Variants in UGGT1 observed in about 807,000 individuals in gnomAD.
The protein encoded by UGGT1 is UDP-glucose glycoprotein glucosyltransferase 1.
A neutral mutation model predicts 203.9 loss-of-function variants in UGGT1; 107 were observed. The ratio of observed to expected loss-of-function variants is 0.52; its 90% CI spans 0.45 to 0.62. The LOEUF (loss-of-function observed/expected upper bound fraction) is 0.62. Among genes scored for constraint, UGGT1 ranks in the 20% least tolerant of loss-of-function variants. UGGT1 has a pLI of 0.00. For missense variants in UGGT1, 1,673 were observed against 1,867.2 expected (o/e 0.90, Z 1.92); for synonymous variants, 628 against 653.5 (o/e 0.96, Z 0.59).
chr2:128,139,859 T>C (rs1689321599), intron 16 of UGGT1: 1 of 154,322 alleles, frequency 6.5e-6, no homozygotes, highest in African/African-American at 2.4e-5. Context: ...TGCTCGGGTT[T>C]TTGCTGCAGA....
At chr2:128,182,099 T>G in intron 36 of UGGT1, 31 bp from the exon 37 acceptor site, 1 of 1,607,286 alleles carries the variant, frequency 6.2e-7, no homozygotes, top group South Asian at 1.1e-5. Flanking sequence ...TCTGCATGGT[T>G]GCTTAACAAA....
chr2:128,130,797 C>CT lies in UGGT1; in HGVS notation c.1377+1622dup, dbSNP rs542499859. ...CTATCAAATATATTTTTCTTTCTTT[C>CT]TTTTGTTTTTTTAGAGATGAGTCTC... On this transcript the variant is annotated intron_variant, in intron 13 of 40. Coordinates refer to ENST00000259253, the MANE Select transcript of UGGT1 (RefSeq NM_020120.4). 8.6e-5 allele frequency among the ~76,000 whole-genome samples: 13 copies of CT among 152,020 alleles called. No homozygotes were observed. The East Asian group carries it at 2.3e-3, about 27-fold the overall frequency.
chr2:128,159,822 T>C, intron 23 of UGGT1, 102 bp downstream of exon 23: 2 of 1,235,698 alleles, frequency 1.6e-6, no homozygotes, highest in Non-Finnish European at 2.3e-6. Context: ...TTTGTCATTT[T>C]AGTCCTGAGT....
intron 33 of UGGT1, among the ~76,000 whole-genome samples, 162 bp from the exon 34 acceptor site, chr2:128,178,306 C>T (rs1459774119): frequency 6.6e-6 from 1 of 152,160 alleles, no homozygotes; most frequent in Non-Finnish European, 1.5e-5. Flanking sequence ...TTTTGTCAGT[C>T]TTGTGGTCTC....
At chr2:128,181,592 C>T (rs778828516) in intron 36 of UGGT1, among the ~76,000 whole-genome samples, 38 of 152,188 alleles carry the variant, frequency 2.5e-4, no homozygotes, top group African/African-American at 6.8e-4. Context: ...CCCGAGCGGG[C>T]GGAAACCCAA....
rs199802848 is a variant in UGGT1 at position 128,123,255 on chromosome 2, C to T, written c.1134+9C>T. On this transcript the variant is annotated intron_variant, in intron 11 of 40. Coordinates refer to ENST00000259253, the MANE Select transcript of UGGT1 (RefSeq NM_020120.4). ...TGGAAGAGAATCAGAAGGTATTCAC[C>T]GATAGAAAATACTGACCTGTTTTGT... 1.4e-5 allele frequency: 22 copies of T among 1,610,882 alleles called. No individual in the cohort carries two copies. The highest frequency in any genetic ancestry group is 1.0e-4 in the Admixed American group (6 of 59,770).
At position 128,174,809 on chromosome 2, in the gene UGGT1, A is replaced by T. The variant is rs912678810; in HGVS notation, c.3490A>T (p.Ile1164Phe). ...GCTGAAAGCCAACCCAGGAGCTTGG[A>T]TCCTCAGACTTAGGAAGGGACGCTC... is the stretch of plus-strand genomic sequence containing the variant. ...FQLKANPGAWILRLRKGRSED... is the reference protein window; with the variant it reads ...FQLKANPGAWFLRLRKGRSED... The change falls in exon 31 of 41, where the codon ATC (isoleucine) becomes TTC (phenylalanine). Residue 1164 changes from isoleucine to phenylalanine, a missense_variant. Ile to Phe is a conservative substitution (Grantham distance 21, BLOSUM62 0). Transcript: ENST00000259253. The T allele has an allele frequency of 1.9e-6, 3 of 1,613,912 alleles. No individual in the cohort carries two copies. Among genetic ancestry groups the T allele is most frequent in the Non-Finnish European group, 2.5e-6 (3 of 1,179,912 alleles).
Position 128,182,114 on chromosome 2 carries a change from T to G in UGGT1, c.4084-16T>G. ...TCTGCATGGTTGCTTAACAAATGAC[T>G]TTTTATATTCTCCAGATTGTACGAA... is the stretch of plus-strand genomic sequence containing the variant. On this transcript the variant is annotated splice_polypyrimidine_tract_variant and intron_variant, in intron 36 of 40. Transcript: ENST00000259253. 4.3e-6 allele frequency: 7 copies of G among 1,611,606 alleles called. No individual in the cohort carries two copies. The highest frequency in any genetic ancestry group is 5.9e-6 in the Non-Finnish European group (7 of 1,178,646).
At chr2:128,179,012 G>T (rs879418386) in intron 34 of UGGT1, among the ~76,000 whole-genome samples, 1 of 152,154 alleles carries the variant, frequency 6.6e-6, no homozygotes, top group Non-Finnish European at 1.5e-5. Context: ...GAGGCCCCGA[G>T]TGTGAAGGGA....
chr2:128,097,099 A>G (rs746588220), intron 1 of UGGT1, among the ~76,000 whole-genome samples: 4 of 152,234 alleles, frequency 2.6e-5, no homozygotes, highest in Non-Finnish European at 4.4e-5. Context: ...GTAGCAGGCC[A>G]GGCATGGTGG....
At chr2:128,177,422 T>G (rs549350881) in intron 32 of UGGT1, among the ~76,000 whole-genome samples, 4 of 152,280 alleles carry the variant, frequency 2.6e-5, no homozygotes, top group Admixed American at 2.6e-4. Flanking sequence ...AAACCCCTGT[T>G]TGTGCTAGTG....
At chr2:128,154,579 A>G (rs573450911) in intron 19 of UGGT1, among the ~76,000 whole-genome samples, 2 of 152,124 alleles carry the variant, frequency 1.3e-5, no homozygotes, top group Non-Finnish European at 2.9e-5. Flanking sequence ...TTTTATACTA[A>G]TTTTTATCGG....
At chr2:128,144,023 C>T (rs1689564637) in intron 17 of UGGT1, among the ~76,000 whole-genome samples, 1 of 151,972 alleles carries the variant, frequency 6.6e-6, no homozygotes, top group African/African-American at 2.4e-5. Flanking sequence ...AAAAAGTAGG[C>T]AATGCAATTA....
At chr2:128,120,323 A>G (rs537419232) in intron 8 of UGGT1, 33 bp from the exon 9 acceptor site, 2 of 1,586,390 alleles carry the variant, frequency 1.3e-6, no homozygotes, top group Admixed American at 3.6e-5. Flanking sequence ...AAGAAAAAAT[A>G]ATGAAAAGGA....
intron 13 of UGGT1, 41 bp downstream of exon 13, chr2:128,129,220 G>C: frequency 6.4e-7 from 1 of 1,562,244 alleles, no homozygotes; most frequent in Non-Finnish European, 8.6e-7. Flanking sequence ...TTTCTGACCA[G>C]GAATCTTTTT....
rs116163859 is a variant in UGGT1 at position 128,101,194 on chromosome 2, C to G, written c.195-2738C>G. Among the ~76,000 whole-genome samples the G allele has an allele frequency of 2.9e-3, 440 of 152,262 alleles. 4 individuals are homozygous for G. The highest frequency in any genetic ancestry group is 0.01 in the African/African-American group (422 of 41,546). On this transcript the variant is annotated intron_variant, in intron 2 of 40. Coordinates refer to ENST00000259253, the MANE Select transcript of UGGT1 (RefSeq NM_020120.4). ...ACTTAGTATTCACCTCCAGAGCTAG[C>G]AGAGCCCACCATTCTTCCTTCTTAT...
chr2:128,186,069 G>A (rs1691967451), intron 38 of UGGT1, among the ~76,000 whole-genome samples: 1 of 152,214 alleles, frequency 6.6e-6, no homozygotes, highest in Admixed American at 6.5e-5. Flanking sequence ...TCAGAAGTCA[G>A]TAGGAGTATT....
At chr2:128,110,267 T>TGACC (rs1558757519) in intron 5 of UGGT1, among the ~76,000 whole-genome samples, 2 of 152,032 alleles carry the variant, frequency 1.3e-5, no homozygotes, top group Non-Finnish European at 2.9e-5. Flanking sequence ...TTTTGCTGAC[T>TGACC]GGCTAGGGCA....
intron 40 of UGGT1, among the ~76,000 whole-genome samples, chr2:128,188,910 A>G (rs551910521): frequency 3.9e-5 from 6 of 152,272 alleles, no homozygotes; most frequent in African/African-American, 9.6e-5. Context: ...GGAAGGTTAT[A>G]TAGTAACCAT....
Sources: gnomAD v4.1 joint callset for allele counts (sites outside exome capture counted in the v4.1 genomes callset) on GRCh38, gnomAD v4.1.1 for gene constraint, MANE v1.5 for transcripts, NCBI Gene and HGNC (gene_info 2026-07-23, HGNC 2026-07-21) for gene names.